ZNF566: variants seen among roughly 807,000 people sequenced by gnomAD.
ZNF566 encodes zinc finger protein 566.
In ZNF566, 27 loss-of-function variants were observed where a neutral mutation model predicts 32.8. That is an observed-to-expected ratio of 0.82 (90% CI 0.61 to 1.14). The LOEUF (loss-of-function observed/expected upper bound fraction) is 1.14, where lower values mean the gene tolerates loss of function less well. Ranked by LOEUF, ZNF566 falls within the 50% of genes most tolerant of loss-of-function variation. ZNF566 has a pLI of 0.00. For synonymous variants in ZNF566, 154 were observed against 159.5 expected (o/e 0.97, Z 0.26); for missense variants, 402 against 490.4 (o/e 0.82, Z 1.70).
intron 3 of ZNF566, 41 bp downstream of exon 3, chr19:36,473,291 C>T: frequency 6.2e-7 from 1 of 1,611,920 alleles, no homozygotes; most frequent in South Asian, 1.1e-5. Context: ...AGTAGGCCTT[C>T]CAAGGGCAGA....
chr19:36,457,099 A>G (rs1568513769), intron 4 of ZNF566, among the ~76,000 whole-genome samples: 1 of 152,212 alleles, frequency 6.6e-6, no homozygotes, highest in South Asian at 2.1e-4. Context: ...TACAGAACCC[A>G]TGCATTTATG....
At chr19:36,456,721 T>C (rs2033325061) in intron 4 of ZNF566, among the ~76,000 whole-genome samples, 1 of 151,986 alleles carries the variant, frequency 6.6e-6, no homozygotes. Flanking sequence ...TCCCAGAACT[T>C]AAAGTATAAT....
At chr19:36,482,733 C>T (rs574147357) in intron 1 of ZNF566, among the ~76,000 whole-genome samples, 2 of 152,302 alleles carry the variant, frequency 1.3e-5, no homozygotes, top group South Asian at 4.1e-4. Flanking sequence ...GCAGGTTTCT[C>T]TCTGTTGGAA....
chr19:36,487,212 G>A (rs1313846869), intron 1 of ZNF566, among the ~76,000 whole-genome samples: 1 of 152,026 alleles, frequency 6.6e-6, no homozygotes, highest in Non-Finnish European at 1.5e-5. Context: ...TTACGGAGAG[G>A]ATATGAAGCA....
At position 36,455,671 on chromosome 19, in the gene ZNF566, T is replaced by C. The variant is rs372748515; in HGVS notation, c.233-5670A>G. Among the ~76,000 whole-genome samples, 120 of 151,868 alleles carry C rather than the reference T, an allele frequency of 7.9e-4. No homozygotes were observed. The East Asian group carries it at 0.019, about 23-fold the overall frequency. On this transcript the variant is annotated intron_variant, in intron 4 of 4. Coordinates refer to ENST00000452939, the MANE Select transcript of ZNF566 (RefSeq NM_001145344.1). ...ACGAGAATCGCTTGAACCCAGGAGA[T>C]GGAGGTTGCAGCGAGCCAAGATCAT... is the stretch of plus-strand genomic sequence containing the variant.
At chr19:36,465,498 C>T (rs955647936) in intron 4 of ZNF566, among the ~76,000 whole-genome samples, 2 of 149,852 alleles carry the variant, frequency 1.3e-5, no homozygotes, top group African/African-American at 2.5e-5. Flanking sequence ...TTTTTTGAGA[C>T]GGAGTCTTGC....
rs1329700891 is a variant in ZNF566, at chr19:36,488,806, A to G, written c.-60+680T>C. Among the ~76,000 whole-genome samples the G allele has an allele frequency of 2.6e-5, 4 of 152,194 alleles. No individual in the cohort carries two copies. In the East Asian group the frequency reaches 5.8e-4, roughly 22 times the overall value. On this transcript the variant is annotated intron_variant, in intron 1 of 4. Coordinates refer to ENST00000452939, the MANE Select transcript of ZNF566 (RefSeq NM_001145344.1). ...ATTCATATAAAGTTTTAAAACGGGG[A>G]AAAACTGGAGTATAATGCCTAGAGA...
At chr19:36,473,144 G>A (rs764398716) in intron 3 of ZNF566, 138 bp from the exon 4 acceptor site, 10 of 1,054,212 alleles carry the variant, frequency 9.5e-6, no homozygotes, top group Non-Finnish European at 8.3e-6. Context: ...GAAACATAAC[G>A]GAAGATGTAA....
At chr19:36,489,419 C>T in intron 1 of ZNF566, 67 bp downstream of exon 1, 2 of 300,744 alleles carry the variant, frequency 6.7e-6, no homozygotes, top group Non-Finnish European at 1.3e-5. Context: ...TCACCTCCAC[C>T]GCCGCACAAA....
intron 1 of ZNF566, among the ~76,000 whole-genome samples, chr19:36,478,837 C>G (rs1357983322): frequency 6.6e-6 from 1 of 152,158 alleles, no homozygotes; most frequent in Non-Finnish European, 1.5e-5. Context: ...AGAGCACGAA[C>G]AGTAGGGTTG....
chr19:36,473,421 G>A lies in ZNF566; in HGVS notation c.47C>T (p.Ser16Phe). The change falls in exon 3 of 5, where the codon TCT (serine) becomes TTT (phenylalanine). Residue 16 changes from serine (S) to phenylalanine (F), a missense_variant. Ser to Phe is a radical substitution (Grantham distance 155). Transcript: ENST00000452939. ...ATTCAGGCATTCCCACTCCTCCTGA[G>A]AGAAGTCTACGGACACATCACTGAA... ...VMFSDVSVDF[S>F]QEEWECLNDD... The A allele has an allele frequency of 6.2e-7, 1 of 1,613,156 alleles. No homozygotes were observed. The highest frequency in any genetic ancestry group is 1.1e-5 in the South Asian group (1 of 90,930).
intron 3 of ZNF566, 118 bp downstream of exon 3, chr19:36,473,214 C>T (rs2033808082): frequency 1.8e-5 from 24 of 1,318,256 alleles, no homozygotes; most frequent in Non-Finnish European, 2.6e-5. Context: ...TCAGAACATT[C>T]CTGTGGAACA....
chr19:36,486,755 A>G (rs1433687806), intron 1 of ZNF566, among the ~76,000 whole-genome samples: 2 of 152,074 alleles, frequency 1.3e-5, no homozygotes, highest in Non-Finnish European at 2.9e-5. Context: ...ACAAAAAAGA[A>G]GATATACAAA....
At chr19:36,476,060 C>T (rs961174114) in intron 2 of ZNF566, 1 of 152,112 alleles carries the variant, frequency 6.6e-6, no homozygotes, top group South Asian at 2.1e-4. Context: ...AATCCCAGCT[C>T]TTTGGGAGGC....
chr19:36,473,114 G>C, intron 3 of ZNF566, 108 bp from the exon 4 acceptor site: 1 of 1,166,558 alleles, frequency 8.6e-7, no homozygotes, highest in Non-Finnish European at 1.2e-6. Flanking sequence ...AAGAGTCAAA[G>C]AGAGGTACAA....
In ZNF566 at chr19:36,447,627, A is replaced by G. The variant is rs933477700; in HGVS notation, c.*1350T>C. On this transcript the variant is annotated 3_prime_UTR_variant, in exon 5 of 5. Transcript: ENST00000452939. ...AATATGATGCTGTTTCTCTTTTCAT[A>G]CTTTTTTTCCTCATTAGTGCACCAA... The G allele has an allele frequency of 6.6e-6, 1 of 151,914 alleles. No homozygotes were observed. The highest frequency in any genetic ancestry group is 1.5e-5 in the Non-Finnish European group (1 of 67,982). The allele number at this position is 151,914 out of a possible 1,614,324, so 9.4% of individuals were successfully genotyped here.
At chr19:36,484,880 C>T (rs879282406) in intron 1 of ZNF566, among the ~76,000 whole-genome samples, 33 of 151,984 alleles carry the variant, frequency 2.2e-4, no homozygotes, top group African/African-American at 6.8e-4. Context: ...TGAGCCACCG[C>T]GCCCAGCCAT....
In ZNF566 at chr19:36,471,527, T is replaced by C. The variant is rs541922601; in HGVS notation, c.232+1384A>G. On this transcript the variant is annotated intron_variant, in intron 4 of 4. Transcript: ENST00000452939. ...CTCCGCCCAGTACAGTAACTTACTA[T>C]GGTGCTTCTTCAGGTCTCTGCCCAA... Among the ~76,000 whole-genome samples, 8 of 152,294 alleles carry C rather than the reference T, an allele frequency of 5.3e-5. No homozygotes were observed. The South Asian group carries it at 1.7e-3, about 32-fold the overall frequency.
chr19:36,450,662 A>C (rs924979886), intron 4 of ZNF566, among the ~76,000 whole-genome samples: 1 of 152,106 alleles, frequency 6.6e-6, no homozygotes, highest in Non-Finnish European at 1.5e-5. Context: ...TAAATAAATA[A>C]ATAAATAAAT....
Sources: allele counts gnomAD v4.1 joint callset (sites outside exome capture counted in the v4.1 genomes callset), GRCh38; gene constraint gnomAD v4.1.1; transcripts MANE v1.5; gene names NCBI Gene and HGNC (gene_info 2026-07-23, HGNC 2026-07-21).